The following ZFHX3 variants were observed in gnomAD, a reference collection of about 807,000 sequenced individuals.
ZFHX3 encodes the protein zinc finger homeobox protein 3.
ZFHX3 carries 42 observed loss-of-function variants against 279.1 expected under a neutral mutation model. That is an observed-to-expected ratio of 0.15 (90% CI 0.12 to 0.19). ZFHX3 has a LOEUF of 0.19. Ranked by LOEUF, ZFHX3 falls within the 10% of genes least tolerant of loss-of-function variation. The pLI is 1.00. For synonymous variants in ZFHX3, 2,293 were observed against 1,957.8 expected (o/e 1.17, Z -4.52); for missense variants, 4,981 against 4,754.0 (o/e 1.05, Z -1.40).
At chr16:73,796,004 T>A (rs535400503) in intron 1 of ZFHX3, among the ~76,000 whole-genome samples, 37 of 152,214 alleles carry the variant, frequency 2.4e-4, no homozygotes, top group Non-Finnish European at 3.1e-4. Flanking sequence ...TAGATGGGTT[T>A]AACAAACGGC....
rs138727420 is a variant in ZFHX3 at position 73,189,969 on chromosome 16, G to T, written c.-1103-46138C>A. On this transcript the variant is annotated intron_variant, in intron 5 of 17. Coordinates refer to the ZFHX3 transcript ENST00000641206. ...AAAAATTAAAAACTAAAAGTCTAAA[G>T]ACACACAATTGAGAAATGGAGGTGA... Among the ~76,000 whole-genome samples the T allele has an allele frequency of 7.9e-5, 12 of 152,238 alleles. No homozygotes were observed. In the East Asian group the frequency reaches 2.3e-3, roughly 29 times the overall value.
intron 5 of ZFHX3, among the ~76,000 whole-genome samples, chr16:72,827,335 G>A (rs1464463482): frequency 2.0e-5 from 3 of 152,138 alleles, no homozygotes; most frequent in Non-Finnish European, 4.4e-5. Flanking sequence ...ACTGTTCGGA[G>A]CTTCCCATAG....
chr16:73,121,211 A>G (rs1198939463), intron 7 of ZFHX3, among the ~76,000 whole-genome samples: 1 of 152,228 alleles, frequency 6.6e-6, no homozygotes, highest in Non-Finnish European at 1.5e-5. Flanking sequence ...ACAATTGAAA[A>G]TTTGGCATAC....
At chr16:73,051,075 G>C (rs926771103), upstream of ZFHX3, among the ~76,000 whole-genome samples, 1 of 152,186 alleles carries the variant, frequency 6.6e-6, no homozygotes, top group African/African-American at 2.4e-5. Flanking sequence ...TGATCTCTAA[G>C]ATACAGTGGA....
At chr16:73,668,447 C>A (rs2052868056) in intron 2 of ZFHX3, among the ~76,000 whole-genome samples, 2 of 151,986 alleles carry the variant, frequency 1.3e-5, no homozygotes, top group South Asian at 4.1e-4. Context: ...TAATGCTATC[C>A]CTCACCTAGC....
intron 1 of ZFHX3, among the ~76,000 whole-genome samples, chr16:73,767,664 T>C (rs540558333): frequency 1.1e-4 from 16 of 152,368 alleles, no homozygotes; most frequent in South Asian, 1.0e-3. Flanking sequence ...GACCAGATTC[T>C]TGTGGATCTT....
intron 2 of ZFHX3, among the ~76,000 whole-genome samples, chr16:73,508,067 T>C (rs930027514): frequency 1.3e-5 from 2 of 152,220 alleles, no homozygotes; most frequent in African/African-American, 4.8e-5. Flanking sequence ...TCATTGATCC[T>C]ATTAGCAAAC....
chr16:73,880,008 AAAC>A lies in ZFHX3; in HGVS notation c.-1608+11640_-1608+11642del, dbSNP rs2030091002. On this transcript the variant is annotated intron_variant, in intron 1 of 17. Coordinates refer to the ZFHX3 transcript ENST00000641206. ...TGGCTTTGATTCATGGTGGTGTGTG[AAAC>A]AACATTTTTAAAGGAACTAAGAACA... 3.3e-5 allele frequency among the ~76,000 whole-genome samples: 5 copies of A among 152,260 alleles called. No individual in the cohort carries two copies. The South Asian group carries it at 1.0e-3, about 32-fold the overall frequency.
intron 1 of ZFHX3, among the ~76,000 whole-genome samples, chr16:73,824,726 T>C (rs1960848659): frequency 1.3e-5 from 1 of 75,916 alleles, no homozygotes; most frequent in Non-Finnish European, 2.4e-5. Flanking sequence ...ACAAAGGACA[T>C]GAACTCATCA....
rs139182139 is a variant in ZFHX3, at chr16:73,724,841, A to G, written c.-1607-44601T>C. On this transcript the variant is annotated intron_variant, in intron 1 of 17. Coordinates refer to the ZFHX3 transcript ENST00000641206. Reference sequence around the variant, plus strand: ...CTCCAGGAGTGTTTAACAACACTCAACCACTCCATGCATCCCCTCCTCCAC... The same window carrying G: ...CTCCAGGAGTGTTTAACAACACTCAGCCACTCCATGCATCCCCTCCTCCAC... Among the ~76,000 whole-genome samples, 499 of 152,324 alleles carry G rather than the reference A, an allele frequency of 3.3e-3. 25 individuals carry two copies. The East Asian group carries it at 0.08, about 24-fold the overall frequency.
intron 1 of ZFHX3, among the ~76,000 whole-genome samples, chr16:73,040,670 G>T (rs1029730045): frequency 6.6e-6 from 1 of 152,222 alleles, no homozygotes; most frequent in African/African-American, 2.4e-5. Context: ...GGGAAGAAGA[G>T]AATTGCTGGA....
At chr16:73,277,798 T>C (rs552831246) in intron 4 of ZFHX3, among the ~76,000 whole-genome samples, 1 of 152,174 alleles carries the variant, frequency 6.6e-6, no homozygotes, top group Non-Finnish European at 1.5e-5. Context: ...CTGCAGGCTG[T>C]ACAGGAAATA....
At chr16:73,278,092 C>T (rs1362471518) in intron 4 of ZFHX3, among the ~76,000 whole-genome samples, 2 of 152,132 alleles carry the variant, frequency 1.3e-5, no homozygotes, top group South Asian at 4.1e-4. Flanking sequence ...CTAAACCATA[C>T]CAGTCTATTT....
chr16:73,473,358 C>CAAAAAAAAAAAAAAAAAAAAAA (rs1300049292), intron 2 of ZFHX3, among the ~76,000 whole-genome samples: 1 of 43,160 alleles, frequency 2.3e-5, no homozygotes, highest in Non-Finnish European at 4.9e-5. Flanking sequence ...AAAAAAAAAA[C>CAAAAAAAAAAAAAAAAAAAAAA]AAAAAAAAAA....
intron 2 of ZFHX3, among the ~76,000 whole-genome samples, chr16:73,625,901 A>C (rs540211120): frequency 2.0e-5 from 3 of 152,170 alleles, no homozygotes; most frequent in African/African-American, 4.8e-5. Flanking sequence ...TGTGTTGCCC[A>C]GGCTGGAGTT....
At chr16:72,800,857 A>G (rs890850940) in intron 7 of ZFHX3, among the ~76,000 whole-genome samples, 2 of 152,182 alleles carry the variant, frequency 1.3e-5, no homozygotes, top group African/African-American at 4.8e-5. Flanking sequence ...ACAGCATTCT[A>G]CAACAGGGCA....
chr16:73,033,033 A>G (rs940880655), intron 1 of ZFHX3, among the ~76,000 whole-genome samples: 1 of 152,156 alleles, frequency 6.6e-6, no homozygotes, highest in African/African-American at 2.4e-5. Context: ...AACAGAAGCC[A>G]GGCTCTCATC....
At chr16:73,479,990 T>C (rs1372431777) in intron 2 of ZFHX3, among the ~76,000 whole-genome samples, 2 of 152,330 alleles carry the variant, frequency 1.3e-5, no homozygotes, top group Non-Finnish European at 2.9e-5. Flanking sequence ...CCTGCTGTGA[T>C]TGGCAGTCGT....
intron 5 of ZFHX3, among the ~76,000 whole-genome samples, chr16:73,241,434 T>C (rs748181456): frequency 6.6e-6 from 1 of 152,156 alleles, no homozygotes; most frequent in Non-Finnish European, 1.5e-5. Context: ...AGGGGGTCAC[T>C]CAGGCATGCA....
Sources: allele counts gnomAD v4.1 joint callset (sites outside exome capture counted in the v4.1 genomes callset), GRCh38; gene constraint gnomAD v4.1.1; transcripts MANE v1.5; gene names NCBI Gene and HGNC (gene_info 2026-07-23, HGNC 2026-07-21).